L3MBTL4: variants seen among roughly 807,000 people sequenced by gnomAD.
The protein encoded by L3MBTL4 is L3MBTL histone methyl-lysine binding protein 4, also known as lethal(3)malignant brain tumor-like protein 4.
A neutral mutation model predicts 84.5 loss-of-function variants in L3MBTL4; 70 were observed. That is an observed-to-expected ratio of 0.83 (90% CI 0.68 to 1.01). L3MBTL4 has a LOEUF of 1.01. Among genes scored for constraint, L3MBTL4 ranks in the 50% least tolerant of loss-of-function variants. The pLI, the probability that L3MBTL4 is intolerant of heterozygous loss-of-function variation, is 0.00. For missense variants in L3MBTL4, 715 were observed against 754.8 expected (o/e 0.95, Z 0.62); for synonymous variants, 274 against 259.8 (o/e 1.05, Z -0.52).
intron 1 of L3MBTL4, among the ~76,000 whole-genome samples, chr18:6,314,036 TGATAGATAGATA>T (rs5822890): frequency 0.029 from 4,318 of 149,740 alleles, 69 homozygotes; most frequent in African/African-American, 0.043. Flanking sequence ...GGATGGCAGA[TGATAGATAGATA>T]GATAGATAGA....
At chr18:6,291,628 G>A (rs556650331) in intron 4 of L3MBTL4, among the ~76,000 whole-genome samples, 6 of 152,196 alleles carry the variant, frequency 3.9e-5, no homozygotes, top group African/African-American at 1.4e-4. Flanking sequence ...AATGGTGCTG[G>A]GGAAACTGGA....
chr18:6,113,323 T>C (rs1224271575), intron 14 of L3MBTL4, among the ~76,000 whole-genome samples: 6 of 152,024 alleles, frequency 3.9e-5, no homozygotes, highest in African/African-American at 1.4e-4. Context: ...GTATCTTCTG[T>C]TTTTAGAAAC....
At chr18:6,316,444 G>A (rs1023401736) in intron 1 of L3MBTL4, among the ~76,000 whole-genome samples, 2 of 152,170 alleles carry the variant, frequency 1.3e-5, no homozygotes, top group Non-Finnish European at 2.9e-5. Flanking sequence ...TTTCAGCAGA[G>A]GCATTAGTGC....
At chr18:6,076,371 C>T (rs191209887) in intron 16 of L3MBTL4, among the ~76,000 whole-genome samples, 23 of 152,184 alleles carry the variant, frequency 1.5e-4, no homozygotes, top group Admixed American at 2.6e-4. Flanking sequence ...ACATCTGATT[C>T]CATTTATAAA....
intron 13 of L3MBTL4, among the ~76,000 whole-genome samples, chr18:6,163,669 C>A (rs1489586978): frequency 6.6e-6 from 1 of 152,120 alleles, no homozygotes; most frequent in Non-Finnish European, 1.5e-5. Flanking sequence ...ACATGGAACT[C>A]AAACTTCTTA....
At chr18:6,243,015 T>C (rs1002849926) in intron 7 of L3MBTL4, among the ~76,000 whole-genome samples, 6 of 152,218 alleles carry the variant, frequency 3.9e-5, no homozygotes, top group African/African-American at 1.4e-4. Flanking sequence ...TTTAATAAAC[T>C]TTATATAAAA....
chr18:6,193,785 A>AT (rs2045244038), intron 12 of L3MBTL4, among the ~76,000 whole-genome samples: 2 of 152,222 alleles, frequency 1.3e-5, no homozygotes, highest in East Asian at 1.9e-4. Context: ...GACTGGAGAG[A>AT]TTGAGTCATA....
At chr18:6,319,779 G>T (rs1222914847) in intron 1 of L3MBTL4, among the ~76,000 whole-genome samples, 1 of 152,022 alleles carries the variant, frequency 6.6e-6, no homozygotes, top group Non-Finnish European at 1.5e-5. Context: ...CTCATTCTAG[G>T]AAACCAGTAA....
At chr18:5,996,956 T>TGG (rs2054000342) in intron 16 of L3MBTL4, among the ~76,000 whole-genome samples, 1 of 152,044 alleles carries the variant, frequency 6.6e-6, no homozygotes, top group Non-Finnish European at 1.5e-5. Context: ...AAAAGAGAGG[T>TGG]GGGGAGACTA....
At chr18:6,393,526 A>G (rs1212755485) in intron 1 of L3MBTL4, among the ~76,000 whole-genome samples, 1 of 152,234 alleles carries the variant, frequency 6.6e-6, no homozygotes, top group Non-Finnish European at 1.5e-5. Context: ...CACTTTCCAC[A>G]GGCTAACTCA....
rs142981984 is a variant in L3MBTL4, at chr18:6,265,754, T to TA, written c.128-1717dup. On this transcript the variant is annotated intron_variant, in intron 4 of 18. Coordinates refer to ENST00000317931, the MANE Select transcript of L3MBTL4 (RefSeq NM_001330559.2). ...ACTGCATGATCTTATAGACATGCAA[T>TA]AAAAAAAAGTCAAACTCATTGAAGC... Among the ~76,000 whole-genome samples the TA allele has an allele frequency of 2.6e-5, 4 of 151,624 alleles. No individual in the cohort carries two copies. In the South Asian group the frequency reaches 8.4e-4, roughly 32 times the overall value.
At chr18:6,123,955 T>C (rs1380033203) in intron 14 of L3MBTL4, among the ~76,000 whole-genome samples, 5 of 152,180 alleles carry the variant, frequency 3.3e-5, no homozygotes. Flanking sequence ...GGGTAAAGAC[T>C]TTGTAGCTGC....
intron 17 of L3MBTL4, among the ~76,000 whole-genome samples, chr18:5,961,337 G>T (rs926087018): frequency 5.3e-5 from 8 of 152,198 alleles, no homozygotes; most frequent in African/African-American, 1.9e-4. Flanking sequence ...CTGATCCCAG[G>T]TGACAGAGCA....
At chr18:6,302,948 G>A (rs2050407335) in intron 3 of L3MBTL4, among the ~76,000 whole-genome samples, 1 of 151,964 alleles carries the variant, frequency 6.6e-6, no homozygotes, top group Non-Finnish European at 1.5e-5. Flanking sequence ...CCAAGATTGT[G>A]CCTCTGCACT....
chr18:6,289,650 T>C (rs561253193), intron 4 of L3MBTL4, among the ~76,000 whole-genome samples: 1 of 152,310 alleles, frequency 6.6e-6, no homozygotes, highest in African/African-American at 2.4e-5. Context: ...CTTCAGCTTG[T>C]TCTCCCCTTG....
At chr18:6,038,403 G>A (rs530215230) in intron 16 of L3MBTL4, among the ~76,000 whole-genome samples, 161 of 152,024 alleles carry the variant, frequency 1.1e-3, no homozygotes, top group Non-Finnish European at 1.9e-3. Flanking sequence ...ATAGGCGTCC[G>A]CCACCGCGAC....
intron 16 of L3MBTL4, among the ~76,000 whole-genome samples, chr18:6,014,906 C>T (rs2054894647): frequency 6.6e-6 from 1 of 151,854 alleles, no homozygotes; most frequent in South Asian, 2.1e-4. Context: ...GGAGGACTGG[C>T]CCTTGTAGAA....
intron 5 of L3MBTL4, among the ~76,000 whole-genome samples, chr18:6,247,629 C>T (rs980024616): frequency 3.3e-5 from 5 of 150,588 alleles, no homozygotes; most frequent in African/African-American, 1.2e-4. Context: ...TAGGTGTAAG[C>T]CACCATGCCC....
intron 14 of L3MBTL4, among the ~76,000 whole-genome samples, chr18:6,120,928 T>G (rs2059501949): frequency 6.6e-6 from 1 of 152,136 alleles, no homozygotes; most frequent in Non-Finnish European, 1.5e-5. Flanking sequence ...CTACAAACAT[T>G]CTGGTGCATG....
Sources: gnomAD v4.1 joint callset for allele counts (sites outside exome capture counted in the v4.1 genomes callset) on GRCh38, gnomAD v4.1.1 for gene constraint, MANE v1.5 for transcripts, NCBI Gene and HGNC (gene_info 2026-07-23, HGNC 2026-07-21) for gene names.